GULP1: variants seen among roughly 807,000 people sequenced by gnomAD.
The protein encoded by GULP1 is PTB domain-containing engulfment adapter protein 1.
A neutral mutation model predicts 40.9 loss-of-function variants in GULP1; 19 were observed. The ratio of observed to expected loss-of-function variants is 0.46; its 90% CI spans 0.32 to 0.68. The LOEUF is 0.68. Ranked by LOEUF, GULP1 falls within the 30% of genes least tolerant of loss-of-function variation. GULP1 has a pLI of 0.03. For synonymous variants in GULP1, 119 were observed against 117.6 expected (o/e 1.01, Z -0.08); for missense variants, 312 against 362.2 (o/e 0.86, Z 1.12).
chr2:188,512,779 T>G (rs533102090), intron 4 of GULP1, among the ~76,000 whole-genome samples: 1 of 152,076 alleles, frequency 6.6e-6, no homozygotes, highest in Non-Finnish European at 1.5e-5. Context: ...TTTTGTTAAA[T>G]AGAATACAGT....
At chr2:188,577,793 A>G (rs527748473) in intron 9 of GULP1, among the ~76,000 whole-genome samples, 2 of 152,224 alleles carry the variant, frequency 1.3e-5, no homozygotes, top group Non-Finnish European at 2.9e-5. Context: ...TAGAGAAGTC[A>G]TTACCTTTAA....
intron 2 of GULP1, among the ~76,000 whole-genome samples, chr2:188,420,514 C>T (rs2055251107): frequency 6.6e-6 from 1 of 152,208 alleles, no homozygotes; most frequent in African/African-American, 2.4e-5. Flanking sequence ...AGCATTACAG[C>T]TCTTTCACTC....
chr2:188,340,788 C>CA, intron 1 of GULP1, among the ~76,000 whole-genome samples: 1 of 152,026 alleles, frequency 6.6e-6, no homozygotes, highest in South Asian at 2.1e-4. Flanking sequence ...GACTTTATTG[C>CA]CCATGGAGGT....
At chr2:188,565,064 T>A (rs530163099) in intron 7 of GULP1, among the ~76,000 whole-genome samples, 2 of 152,072 alleles carry the variant, frequency 1.3e-5, no homozygotes, top group Non-Finnish European at 2.9e-5. Context: ...ATCATAGACA[T>A]AAAAGTAGAA....
intron 2 of GULP1, among the ~76,000 whole-genome samples, chr2:188,403,689 G>A (rs939241694): frequency 2.6e-5 from 4 of 152,174 alleles, no homozygotes; most frequent in African/African-American, 9.7e-5. Context: ...ATGCACAGGG[G>A]AGGACTGTCA....
chr2:188,403,956 T>C (rs2052681057), intron 2 of GULP1, among the ~76,000 whole-genome samples: 1 of 152,154 alleles, frequency 6.6e-6, no homozygotes, highest in South Asian at 2.1e-4. Context: ...TGGGAACTCA[T>C]TTCCAGGACA....
At chr2:188,442,349 A>C (rs2058010633) in intron 2 of GULP1, among the ~76,000 whole-genome samples, 1 of 152,230 alleles carries the variant, frequency 6.6e-6, no homozygotes, top group Non-Finnish European at 1.5e-5. Flanking sequence ...GGTCGTATAC[A>C]AAGTCATTAA....
At chr2:188,389,565 T>C (rs1007096619) in intron 2 of GULP1, among the ~76,000 whole-genome samples, 1 of 152,120 alleles carries the variant, frequency 6.6e-6, no homozygotes, top group Non-Finnish European at 1.5e-5. Context: ...CCTTACCTCC[T>C]AGAGGTACCT....
intron 1 of GULP1, among the ~76,000 whole-genome samples, chr2:188,302,833 A>G (rs2036373537): frequency 6.6e-6 from 1 of 152,138 alleles, no homozygotes; most frequent in South Asian, 2.1e-4. Flanking sequence ...ACCATTTCCC[A>G]GATGATATCT....
At chr2:188,413,067 A>G (rs957340070) in intron 2 of GULP1, among the ~76,000 whole-genome samples, 3 of 152,106 alleles carry the variant, frequency 2.0e-5, no homozygotes, top group Non-Finnish European at 2.9e-5. Context: ...AGACAGTTAA[A>G]CTCAGGCTCT....
intron 1 of GULP1, among the ~76,000 whole-genome samples, chr2:188,299,525 T>C (rs1422465458): frequency 6.6e-6 from 1 of 152,218 alleles, no homozygotes; most frequent in Non-Finnish European, 1.5e-5. Context: ...CCCTTCTCAT[T>C]CTGGGAAATA....
chr2:188,517,340 T>C (rs1245587197), intron 4 of GULP1, among the ~76,000 whole-genome samples: 1 of 152,152 alleles, frequency 6.6e-6, no homozygotes, highest in Non-Finnish European at 1.5e-5. Context: ...TTTAATTACC[T>C]GAGTCATATT....
rs796170239 is a variant in GULP1 at position 188,552,002 on chromosome 2, A to T, written c.399+10684A>T. On this transcript the variant is annotated intron_variant, in intron 7 of 11. Coordinates refer to ENST00000409830, the MANE Select transcript of GULP1 (RefSeq NM_016315.4). ...GAAATGTCTATTCATGTTCTTTCCC[A>T]TTTTTTTTTAAATGGGAACATTTTT... Among the ~76,000 whole-genome samples, 24 of 149,022 alleles carry T rather than the reference A, an allele frequency of 1.6e-4. 1 individual carries two copies. The highest frequency in any genetic ancestry group is 5.6e-4 in the African/African-American group (23 of 40,728).
chr2:188,480,900 CA>C (rs2061399473), intron 3 of GULP1, among the ~76,000 whole-genome samples: 1 of 151,710 alleles, frequency 6.6e-6, no homozygotes, highest in South Asian at 2.1e-4. Flanking sequence ...TCTTTTTTAA[CA>C]AACATTTTAT....
intron 4 of GULP1, among the ~76,000 whole-genome samples, chr2:188,512,078 C>T (rs746849366): frequency 2.0e-5 from 3 of 151,988 alleles, no homozygotes; most frequent in Non-Finnish European, 2.9e-5. Flanking sequence ...GGAAGTCAGC[C>T]AAATAAAGGC....
intron 7 of GULP1, among the ~76,000 whole-genome samples, chr2:188,543,476 A>C (rs148661546): frequency 6.6e-6 from 1 of 152,160 alleles, no homozygotes; most frequent in Admixed American, 6.6e-5. Flanking sequence ...TACCTGCACT[A>C]TCTTAACTAT....
chr2:188,443,690 C>CTT (rs1231359913), intron 2 of GULP1, among the ~76,000 whole-genome samples: 1 of 142,524 alleles, frequency 7.0e-6, no homozygotes, highest in Non-Finnish European at 1.5e-5. Context: ...AATTTCTTTT[C>CTT]TTTTTTTTTT....
At chr2:188,335,099 T>G (rs2042086366) in intron 1 of GULP1, among the ~76,000 whole-genome samples, 2 of 152,224 alleles carry the variant, frequency 1.3e-5, no homozygotes, top group Non-Finnish European at 2.9e-5. Context: ...ATGTAATGTT[T>G]AATACACATG....
chr2:188,366,914 T>C (rs1379279704), intron 1 of GULP1, among the ~76,000 whole-genome samples: 1 of 151,396 alleles, frequency 6.6e-6, no homozygotes, highest in East Asian at 1.9e-4. Flanking sequence ...AATCCTTGCA[T>C]CTTCCACTCA....
Sources: allele counts gnomAD v4.1 joint callset (sites outside exome capture counted in the v4.1 genomes callset), GRCh38; gene constraint gnomAD v4.1.1; transcripts MANE v1.5; gene names NCBI Gene and HGNC (gene_info 2026-07-23, HGNC 2026-07-21).